The following TUT7 variants were observed in gnomAD, a reference collection of about 807,000 sequenced individuals.
TUT7 encodes the protein terminal uridylyltransferase 7.
In TUT7, 33 loss-of-function variants were observed where a neutral mutation model predicts 165.9. The observed-to-expected ratio is 0.20, with a 90% confidence interval of 0.15 to 0.27. The LOEUF is 0.27. Ranked by LOEUF, TUT7 falls within the 10% of genes least tolerant of loss-of-function variation. The probability of loss-of-function intolerance (pLI) is 1.00; values close to 1 mark genes in which losing one functional copy is unlikely to be tolerated. For synonymous variants in TUT7, 552 were observed against 608.1 expected (o/e 0.91, Z 1.36); for missense variants, 1,338 against 1,762.3 (o/e 0.76, Z 4.31).
intron 17 of TUT7, among the ~76,000 whole-genome samples, chr9:86,312,642 A>G (rs1828280768): frequency 6.6e-6 from 1 of 152,242 alleles, no homozygotes; most frequent in Admixed American, 6.5e-5. Flanking sequence ...ACAGGCCATG[A>G]TGACAATGGC....
chr9:86,290,265 T>C (rs1825804167), intron 26 of TUT7, among the ~76,000 whole-genome samples: 1 of 152,230 alleles, frequency 6.6e-6, no homozygotes, highest in Admixed American at 6.5e-5. Context: ...GGAGTACAGA[T>C]GGTTTTTATT....
chr9:86,324,914 C>T (rs773342611), intron 12 of TUT7, among the ~76,000 whole-genome samples: 7 of 152,174 alleles, frequency 4.6e-5, no homozygotes, highest in Non-Finnish European at 1.0e-4. Flanking sequence ...TGGAGAATGA[C>T]ATTTTTGACG....
At chr9:86,351,797 C>T (rs1832326407) in intron 2 of TUT7, among the ~76,000 whole-genome samples, 1 of 152,264 alleles carries the variant, frequency 6.6e-6, no homozygotes, top group South Asian at 2.1e-4. Context: ...TATACAACCA[C>T]TAAAAAACGC....
At position 86,323,087 on chromosome 9, in the gene TUT7, T is replaced by C. The variant is rs770162712; in HGVS notation, c.2663A>G (p.Asp888Gly). 1.6e-5 allele frequency: 26 copies of C among 1,614,080 alleles called. No individual in the cohort carries two copies. The Admixed American group carries it at 4.3e-4, about 27-fold the overall frequency. Residue 888 changes from aspartate to glycine, a missense_variant, in exon 13 of 27, where the codon GAT (aspartate) becomes GGT (glycine). Coordinates refer to ENST00000375963, the MANE Select transcript of TUT7 (RefSeq NM_024617.4). Reference sequence around the variant, plus strand: ...ATCCTCTTCAGATAGGGCGTCCTCATCCCCTGACCCAGTGTAGGTGTTGTC... The same window carrying C: ...ATCCTCTTCAGATAGGGCGTCCTCACCCCCTGACCCAGTGTAGGTGTTGTC... ...ELDNTYTGSG[D>G]EDALSEEDDE...
intron 14 of TUT7, 44 bp from the exon 15 acceptor site, chr9:86,319,714 A>T (rs745854493): frequency 7.9e-7 from 1 of 1,272,684 alleles, no homozygotes. Flanking sequence ...AAGCCGGTTG[A>T]CACTCTTAGA....
intron 26 of TUT7, among the ~76,000 whole-genome samples, chr9:86,297,255 T>C (rs1826404990): frequency 6.6e-6 from 1 of 152,190 alleles, no homozygotes; most frequent in African/African-American, 2.4e-5. Flanking sequence ...ACGAACCTTT[T>C]CCCTTTTCTC....
At chr9:86,306,797 C>T (rs1344826377) in intron 22 of TUT7, among the ~76,000 whole-genome samples, 1 of 151,788 alleles carries the variant, frequency 6.6e-6, no homozygotes, top group Non-Finnish European at 1.5e-5. Flanking sequence ...AGACTCTGTC[C>T]CCCGCAAAAA....
intron 17 of TUT7, among the ~76,000 whole-genome samples, chr9:86,314,679 C>G (rs143116664): frequency 0.018 from 2,752 of 152,266 alleles, 54 homozygotes; most frequent in Middle Eastern, 0.044. Flanking sequence ...GCCCTGTTGT[C>G]TACATTATAC....
At position 86,309,483 on chromosome 9, in the gene TUT7, C is replaced by T. The variant is rs753720708; in HGVS notation, c.3562G>A (p.Val1188Ile). The T allele has an allele frequency of 3.1e-6, 5 of 1,611,950 alleles. No individual in the cohort carries two copies. In the Admixed American group the frequency reaches 8.4e-5, roughly 27 times the overall value. Reference protein sequence around the residue: ...LYFLQQRNPPVIPVLQEIYKG... With the variant: ...LYFLQQRNPPIIPVLQEIYKG... ...AATACCTCTTGAAGGACAGGAATGA[C>T]TGGTGGATTCCTCTGCTGGAGAAAA... Residue 1188 changes from valine to isoleucine, a missense_variant, in exon 20 of 27, where the codon GTC becomes ATC. By Grantham distance (29) the Val-to-Ile change is conservative. Around this residue, in one of 7 missense-constraint regions of TUT7, gnomAD observed 157 missense variants for 357.5 expected, o/e 0.44. Transcript: ENST00000375963.
intron 17 of TUT7, among the ~76,000 whole-genome samples, chr9:86,312,579 C>A (rs564881843): frequency 1.1e-4 from 17 of 151,422 alleles, no homozygotes; most frequent in Admixed American, 5.9e-4. Context: ...GTGAGGAGCC[C>A]CTCTGCCCGG....
chr9:86,308,387 G>C, intron 22 of TUT7, 42 bp downstream of exon 22: 1 of 1,547,732 alleles, frequency 6.5e-7, no homozygotes, highest in Non-Finnish European at 8.8e-7. Flanking sequence ...TATAGTTCAA[G>C]CTCTATAGTC....
At chr9:86,293,230 A>G (rs886856453) in intron 26 of TUT7, among the ~76,000 whole-genome samples, 3 of 152,124 alleles carry the variant, frequency 2.0e-5, no homozygotes, top group Non-Finnish European at 4.4e-5. Flanking sequence ...GAGGAGGATC[A>G]TCTGAGCCCA....
intron 14 of TUT7, among the ~76,000 whole-genome samples, chr9:86,320,510 A>C (rs185822039): frequency 1.6e-4 from 24 of 152,348 alleles, no homozygotes; most frequent in Non-Finnish European, 1.5e-4. Flanking sequence ...TTTAGAAATA[A>C]TATTTCTCAG....
chr9:86,318,547 C>G (rs1297976123), intron 16 of TUT7, among the ~76,000 whole-genome samples: 1 of 152,164 alleles, frequency 6.6e-6, no homozygotes. Flanking sequence ...ACTGATGAAA[C>G]AAGTTTGTCT....
rs929097466 is a variant in TUT7 at position 86,328,567 on chromosome 9, T to TAA, written c.1456-77_1456-76dup. 46 of 1,288,680 alleles carry TAA rather than the reference T, an allele frequency of 3.6e-5. No individual in the cohort carries two copies. The African/African-American group carries it at 6.7e-4, about 19-fold the overall frequency. 79.8% of individuals were successfully genotyped at this position (1,288,680 alleles called of 1,614,324 possible). A position where few individuals can be genotyped will look rare whatever the true frequency, so the allele number is the denominator to read the frequency against. ...CAAACACAGTCTACTAATCTTGGAA[T>TAA]AAAAAAATACTCATAGTTCAACGAA... On this transcript the variant is annotated intron_variant, in intron 10 of 26. Coordinates refer to ENST00000375963, the MANE Select transcript of TUT7 (RefSeq NM_024617.4).
chr9:86,317,750 G>A (rs1828859343), intron 16 of TUT7, among the ~76,000 whole-genome samples: 2 of 152,220 alleles, frequency 1.3e-5, no homozygotes, highest in South Asian at 4.1e-4. Context: ...GGACTAGCCA[G>A]AATTATAATG....
At chr9:86,350,182 T>C (rs1030148986) in intron 2 of TUT7, among the ~76,000 whole-genome samples, 11 of 151,906 alleles carry the variant, frequency 7.2e-5, no homozygotes, top group African/African-American at 2.2e-4. Context: ...AATACAAAAA[T>C]TAGCTAGGTG....
chr9:86,339,952 G>C (rs1238897932), intron 8 of TUT7, 84 bp downstream of exon 8: 2 of 1,014,006 alleles, frequency 2.0e-6, no homozygotes, highest in Non-Finnish European at 3.1e-6. Flanking sequence ...TATAATTCTA[G>C]AAATTGGACA....
intron 14 of TUT7, among the ~76,000 whole-genome samples, chr9:86,321,944 C>T (rs1447876272): frequency 6.6e-6 from 1 of 151,954 alleles, no homozygotes; most frequent in East Asian, 1.9e-4. Context: ...GGCATAGTGG[C>T]ATGCATCTGT....
Sources: gnomAD v4.1 joint callset for allele counts (sites outside exome capture counted in the v4.1 genomes callset) on GRCh38, gnomAD v4.1.1 for gene constraint, gnomAD v4.1.1 regional missense constraint, MANE v1.5 for transcripts, NCBI Gene and HGNC (gene_info 2026-07-23, HGNC 2026-07-21) for gene names.